SMARCA4: variants seen among roughly 807,000 people sequenced by gnomAD.
SMARCA4 encodes the protein SWI/SNF related BAF chromatin remodeling complex subunit ATPase 4.
A neutral mutation model predicts 193.9 loss-of-function variants in SMARCA4; 31 were observed. That is an observed-to-expected ratio of 0.16 (90% CI 0.12 to 0.22). The LOEUF is 0.22. Among genes scored for constraint, SMARCA4 ranks in the 10% least tolerant of loss-of-function variants. The pLI, the probability that SMARCA4 is intolerant of heterozygous loss-of-function variation, is 1.00. For missense variants in SMARCA4, 1,148 were observed against 2,296.0 expected, an observed-to-expected ratio of 0.50 and a Z score of 10.22; for synonymous variants, 942 against 933.1, an observed-to-expected ratio of 1.01 and a Z score of -0.17.
In SMARCA4 at chr19:11,053,372, T is replaced by A. The variant is rs533789500; in HGVS notation, c.4425-4883T>A. On this transcript the variant is annotated intron_variant, in intron 30 of 34. Transcript: ENST00000344626. ...GGTGGTGGGTGCCTGTAATCCCAGC[T>A]ACTCGGGAGGCGGAGGTTTCAGTAA... Among the ~76,000 whole-genome samples the A allele has an allele frequency of 2.0e-5, 3 of 148,484 alleles. No homozygotes were observed. The East Asian group carries it at 6.0e-4, about 29-fold the overall frequency.
chr19:11,046,082 G>T (rs1235462425), intron 30 of SMARCA4, among the ~76,000 whole-genome samples: 1 of 152,136 alleles, frequency 6.6e-6, no homozygotes, highest in Non-Finnish European at 1.5e-5. Flanking sequence ...AATTAGCCAG[G>T]CGTGGTGGCG....
At position 11,049,789 on chromosome 19, in the gene SMARCA4, G is replaced by A. The variant is rs78726714; in HGVS notation, c.4424+8229G>A. ...CCAGCCTGCCTGCGACAGTGATAGG[G>A]CAGAGATGCTGCTACAATAAAGACC... On this transcript the variant is annotated intron_variant, in intron 30 of 34. Transcript: ENST00000344626. 2.1e-3 allele frequency among the ~76,000 whole-genome samples: 315 copies of A among 152,324 alleles called. 4 individuals are homozygous for A. Among genetic ancestry groups the A allele is most frequent in the African/African-American group, 7.2e-3 (301 of 41,588 alleles).
chr19:11,031,050 G>A lies in SMARCA4; in HGVS notation c.3546+157G>A. On this transcript the variant is annotated intron_variant, in intron 25 of 34. Coordinates refer to ENST00000344626, the MANE Select transcript of SMARCA4 (RefSeq NM_003072.5). This position sits in a 1 kb window ranked among gnomAD's most constrained non-coding sequence, Gnocchi z 4.3. ...GCACCCATATCTCCATAGGTCATCA[G>A]GGAGAAAAGAGGCGGGGTCCTCCTG... is the stretch of plus-strand genomic sequence containing the variant. 1.4e-6 allele frequency: 1 copy of A among 718,542 alleles called. No homozygotes were observed. The highest frequency in any genetic ancestry group is 2.4e-6 in the Non-Finnish European group (1 of 409,138). The allele number at this position is 718,542 out of a possible 1,614,324, so 44.5% of individuals were successfully genotyped here. A position where few individuals can be genotyped will look rare whatever the true frequency, so the allele number is the denominator to read the frequency against.
In SMARCA4 at chr19:11,039,342, A is replaced by C. The variant is rs1040724298; in HGVS notation, c.4171-1965A>C. The C allele has an allele frequency of 1.6e-5, 9 of 576,936 alleles. No homozygotes were observed. In the African/African-American group the frequency reaches 1.8e-4, roughly 11 times the overall value. 35.7% of individuals were successfully genotyped at this position (576,936 alleles called of 1,614,324 possible). ...GCACTCCAGCCTGGGCGACAGAATG[A>C]GACCCTGTCTCTGAAAAAAAGGGAA... On this transcript the variant is annotated intron_variant, in intron 29 of 34. Coordinates refer to ENST00000344626, the MANE Select transcript of SMARCA4 (RefSeq NM_003072.5).
chr19:10,994,718 C>T (rs1395388812), intron 8 of SMARCA4, 110 bp from the exon 9 acceptor site: 1 of 954,488 alleles, frequency 1.0e-6, no homozygotes, highest in Non-Finnish European at 1.7e-6. Context: ...CTCTGCCTCC[C>T]AAAGCGCTGG....
chr19:11,024,968 G>T (rs557845640), intron 21 of SMARCA4, among the ~76,000 whole-genome samples: 98 of 150,256 alleles, frequency 6.5e-4, no homozygotes, highest in Non-Finnish European at 9.3e-4. Flanking sequence ...TCCATTCCCA[G>T]CCCAGAGCAT....
At chr19:11,015,810 C>T (rs1284804230) in intron 16 of SMARCA4, among the ~76,000 whole-genome samples, 1 of 151,882 alleles carries the variant, frequency 6.6e-6, no homozygotes, top group African/African-American at 2.4e-5. Context: ...AGTTTGAGAC[C>T]AGCCTGACCA....
intron 18 of SMARCA4, among the ~76,000 whole-genome samples, chr19:11,020,110 C>G (rs1009420508): frequency 7.2e-5 from 11 of 152,348 alleles, no homozygotes; most frequent in Admixed American, 6.5e-5. Flanking sequence ...AGGCCATGGG[C>G]TGAGATTCAG....
chr19:11,047,419 T>C (rs1294864580), intron 30 of SMARCA4, among the ~76,000 whole-genome samples: 3 of 151,842 alleles, frequency 2.0e-5, no homozygotes, highest in Middle Eastern at 3.4e-3. Context: ...GGTTTTTTTT[T>C]TTTTTTGGAG....
chr19:11,006,594 A>T (rs948297907), intron 13 of SMARCA4, among the ~76,000 whole-genome samples: 1 of 151,600 alleles, frequency 6.6e-6, no homozygotes, highest in African/African-American at 2.4e-5. Flanking sequence ...CTACTAAAAA[A>T]TACAAAAATT....
At position 10,979,445 on chromosome 19, in the gene SMARCA4, C is replaced by T. The variant is rs544810527; in HGVS notation, c.-31-4676C>T. Among the ~76,000 whole-genome samples, 151 of 145,162 alleles carry T rather than the reference C, an allele frequency of 1.0e-3. 2 individuals carry two copies. In the South Asian group the frequency reaches 0.023, roughly 22 times the overall value. On this transcript the variant is annotated intron_variant, in intron 1 of 34. Coordinates refer to ENST00000344626, the MANE Select transcript of SMARCA4 (RefSeq NM_003072.5). ...TTTTTTTTTGAGACAGGGTCTTTCTCTGTTGCCCACGATCATGGCTCACTG... is the reference window on the plus strand; with the variant it reads ...TTTTTTTTTGAGACAGGGTCTTTCTTTGTTGCCCACGATCATGGCTCACTG...
At chr19:10,968,278 A>G (rs1405981547) in intron 1 of SMARCA4, among the ~76,000 whole-genome samples, 7 of 151,548 alleles carry the variant, frequency 4.6e-5, no homozygotes, top group African/African-American at 7.3e-5. Context: ...ATGAGCCACC[A>G]CTCCTGGCCT....
At chr19:10,996,071 C>T (rs562256891) in intron 9 of SMARCA4, 142 bp from the exon 10 acceptor site, 78 of 834,178 alleles carry the variant, frequency 9.4e-5, no homozygotes, top group Non-Finnish European at 1.6e-4. Context: ...AATGAGGAGT[C>T]GATTGCCGTG....
In SMARCA4 at chr19:11,061,827, TC is replaced by T; in HGVS notation, c.*13del. On this transcript the variant is annotated 3_prime_UTR_variant, in exon 35 of 35. Transcript: ENST00000344626. ...AGCGAAGAAGACTGAGCCCCGACATTCCAGTCTCGACCCCGAGCCCCTCGTT... is the reference window on the plus strand; with the variant it reads ...AGCGAAGAAGACTGAGCCCCGACATTCAGTCTCGACCCCGAGCCCCTCGTT... 1 of 1,613,772 alleles carries T rather than the reference TC, an allele frequency of 6.2e-7. No individual in the cohort carries two copies. The highest frequency in any genetic ancestry group is 1.3e-5 in the African/African-American group (1 of 75,046).
Position 11,060,207 on chromosome 19 carries a change from C to G in SMARCA4, c.4911+20C>G, listed in dbSNP as rs1476216089. ...GAGGAGGTGAGGCCGGGCCCCCGAG[C>G]AGGCAGAGCTGGCATGTGGCAGGAG... On this transcript the variant is annotated intron_variant, in intron 34 of 34. Transcript: ENST00000344626. 2 of 1,550,148 alleles carry G rather than the reference C, an allele frequency of 1.3e-6. No individual in the cohort carries two copies. The highest frequency in any genetic ancestry group is 1.7e-6 in the Non-Finnish European group (2 of 1,146,626).
chr19:11,002,262 G>A (rs1051124019), intron 11 of SMARCA4, among the ~76,000 whole-genome samples: 1 of 150,786 alleles, frequency 6.6e-6, no homozygotes, highest in Admixed American at 6.6e-5. Context: ...GGCAGATCAC[G>A]AGGTCAGGAG....
chr19:11,042,851 G>A (rs535393399), intron 30 of SMARCA4, among the ~76,000 whole-genome samples: 6 of 152,188 alleles, frequency 3.9e-5, no homozygotes, highest in South Asian at 2.1e-4. Context: ...TTACCTGGGC[G>A]TGGTGGCACG....
intron 21 of SMARCA4, 55 bp from the exon 22 acceptor site, chr19:11,025,367 C>T (rs2090177559): frequency 1.6e-6 from 2 of 1,256,532 alleles, no homozygotes; most frequent in South Asian, 1.2e-5. Context: ...CCACCAAGCC[C>T]ACCCCACCCC....
intron 13 of SMARCA4, among the ~76,000 whole-genome samples, chr19:11,005,231 G>A (rs948635103): frequency 3.9e-5 from 6 of 152,154 alleles, no homozygotes; most frequent in Admixed American, 6.5e-5. Context: ...TTGTGGTGGC[G>A]TCTAGTCTGT....
Sources: gnomAD v4.1 joint callset for allele counts (sites outside exome capture counted in the v4.1 genomes callset) on GRCh38, gnomAD v4.1.1 for gene constraint, Gnocchi (gnomAD v3.1) non-coding constraint, MANE v1.5 for transcripts, NCBI Gene and HGNC (gene_info 2026-07-23, HGNC 2026-07-21) for gene names.